Variants in SP100 observed in about 807,000 individuals in gnomAD.
The protein encoded by SP100 is SP100 nuclear body protein, also known as nuclear autoantigen Sp-100.
A neutral mutation model predicts 130.0 loss-of-function variants in SP100; 84 were observed. That is an observed-to-expected ratio of 0.65 (90% CI 0.54 to 0.77). The LOEUF is 0.77. SP100 is among the 30% of genes least tolerant of loss of function. SP100 has a pLI of 0.00. For missense variants in SP100, 978 were observed against 1,052.2 expected (o/e 0.93, Z 0.97); for synonymous variants, 331 against 351.7 (o/e 0.94, Z 0.66).
chr2:230,510,699 G>A (rs191679966), intron 23 of SP100: 114 of 197,052 alleles, frequency 5.8e-4, no homozygotes, highest in Middle Eastern at 2.1e-3. Context: ...GTTTCACCAC[G>A]TTAGCCAGGA....
intron 7 of SP100, 95 bp downstream of exon 7, chr2:230,449,805 G>C (rs1212038641): frequency 1.5e-6 from 2 of 1,301,296 alleles, no homozygotes; most frequent in African/African-American, 3.0e-5. Context: ...GGAGACACCT[G>C]TTTAACAAGC....
In SP100 at chr2:230,444,172, TTTAAGGA is replaced by T; in HGVS notation, c.271-3_274del. 1.3e-6 allele frequency: 2 copies of T among 1,555,886 alleles called. No individual in the cohort carries two copies. The highest frequency in any genetic ancestry group is 1.7e-6 in the Non-Finnish European group (2 of 1,151,738). Reference sequence around the variant, plus strand: ...TTTATATTTTCTCCATTCAATATTTTTTAAGGATTCTCAAGATTCTTGTAGAAACCTG... The same window carrying T: ...TTTATATTTTCTCCATTCAATATTTTTTCTCAAGATTCTTGTAGAAACCTG... On this transcript the variant is annotated splice_acceptor_variant and splice_polypyrimidine_tract_variant and coding_sequence_variant and intron_variant, in exon 4 of 29. Transcript: ENST00000340126. LOFTEE classifies it high-confidence loss of function.
intron 19 of SP100, among the ~76,000 whole-genome samples, 176 bp from the exon 20 acceptor site, chr2:230,502,890 A>T (rs2067114830): frequency 1.3e-5 from 2 of 152,192 alleles, no homozygotes; most frequent in Non-Finnish European, 2.9e-5. Flanking sequence ...GAGGTTATGA[A>T]CTGAAAAACC....
intron 2 of SP100, among the ~76,000 whole-genome samples, chr2:230,430,312 G>A (rs927566416): frequency 3.3e-5 from 5 of 152,236 alleles, no homozygotes; most frequent in Admixed American, 6.5e-5. Context: ...AGCGGCTAAC[G>A]GCCAGGCTCT....
At chr2:230,477,389 C>A (rs2065611712) in intron 17 of SP100, among the ~76,000 whole-genome samples, 1 of 151,866 alleles carries the variant, frequency 6.6e-6, no homozygotes, top group African/African-American at 2.4e-5. Flanking sequence ...GGTTCCATAT[C>A]ATATTTACAA....
intron 23 of SP100, chr2:230,510,447 A>G (rs1690487619): frequency 7.7e-6 from 1 of 129,054 alleles, no homozygotes. Context: ...TTCCCTTTGC[A>G]GCTTCTCTGG....
intron 18 of SP100, among the ~76,000 whole-genome samples, chr2:230,497,516 G>GGA: frequency 3.0e-5 from 1 of 33,542 alleles, no homozygotes; most frequent in Non-Finnish European, 7.2e-5. Flanking sequence ...GGAGAGGAGA[G>GGA]GAGAGGAGAG....
At chr2:230,514,400 G>A (rs1690782881) in intron 24 of SP100, among the ~76,000 whole-genome samples, 1 of 152,102 alleles carries the variant, frequency 6.6e-6, no homozygotes, top group Non-Finnish European at 1.5e-5. Flanking sequence ...AACTAAGAAA[G>A]AAAATTAAAT....
At chr2:230,520,387 G>A (rs540203103) in intron 24 of SP100, among the ~76,000 whole-genome samples, 9 of 152,162 alleles carry the variant, frequency 5.9e-5, no homozygotes, top group African/African-American at 2.2e-4. Flanking sequence ...AAAACCTTGA[G>A]AGAAATAATT....
chr2:230,477,939 C>CAAA lies in SP100; in HGVS notation c.1600+3494_1600+3496dup, dbSNP rs11420486. On this transcript the variant is annotated intron_variant, in intron 17 of 28. Coordinates refer to ENST00000340126, the MANE Select transcript of SP100 (RefSeq NM_001080391.2). ...GACAGAACAAGACCCTGTCTCAAAA[C>CAAA]AAAACAAACAAAAAAAAAAGCATTG... Among the ~76,000 whole-genome samples, 141 of 125,124 alleles carry CAAA rather than the reference C, an allele frequency of 1.1e-3. 4 individuals are homozygous for CAAA. The highest frequency in any genetic ancestry group is 1.6e-3 in the Admixed American group (20 of 12,302). The allele number at this position is 125,124 out of a possible 152,430, so 82.1% of individuals were successfully genotyped here.
In SP100 at chr2:230,463,938, G is replaced by C. The variant is rs2064798677; in HGVS notation, c.1058-129G>C. The C allele has an allele frequency of 6.5e-6, 4 of 612,592 alleles. No homozygotes were observed. The East Asian group carries it at 1.1e-4, about 18-fold the overall frequency. The allele number at this position is 612,592 out of a possible 1,614,324, so 37.9% of individuals were successfully genotyped here. On this transcript the variant is annotated intron_variant, in intron 10 of 28. Coordinates refer to ENST00000340126, the MANE Select transcript of SP100 (RefSeq NM_001080391.2). ...TTAGTTGAAAGGCAAGACAAGCATG[G>C]CCTGTGTACAGGCGAGGACTTGCAC... is the stretch of plus-strand genomic sequence containing the variant.
At chr2:230,476,406 A>G (rs1042887801) in intron 17 of SP100, among the ~76,000 whole-genome samples, 1 of 152,204 alleles carries the variant, frequency 6.6e-6, no homozygotes, top group Admixed American at 6.5e-5. Flanking sequence ...AAACTTTACT[A>G]AATTTGTCAG....
intron 12 of SP100, 74 bp from the exon 13 acceptor site, chr2:230,467,046 C>A: frequency 1.9e-6 from 2 of 1,037,176 alleles, no homozygotes; most frequent in Non-Finnish European, 3.0e-6. Context: ...GTTTCCTTTT[C>A]ATAGAATATT....
chr2:230,512,311 A>G (rs1690656606), intron 24 of SP100, among the ~76,000 whole-genome samples: 1 of 93,504 alleles, frequency 1.1e-5, no homozygotes, highest in African/African-American at 4.3e-5. Context: ...TTTTTTTGAG[A>G]CGGAGTCTCG....
chr2:230,529,620 GA>G (rs923161750), intron 24 of SP100, among the ~76,000 whole-genome samples: 5 of 152,314 alleles, frequency 3.3e-5, no homozygotes, highest in Middle Eastern at 6.8e-3. Context: ...ATTCATTTAG[GA>G]AAACAGGAAG....
chr2:230,423,665 T>C (rs1388012591), intron 2 of SP100, among the ~76,000 whole-genome samples: 3 of 152,260 alleles, frequency 2.0e-5, no homozygotes, highest in Non-Finnish European at 4.4e-5. Flanking sequence ...TGTTCATCTC[T>C]GTGCCACTTT....
chr2:230,485,076 A>T (rs188148514), intron 17 of SP100, among the ~76,000 whole-genome samples: 5 of 151,692 alleles, frequency 3.3e-5, no homozygotes, highest in Admixed American at 1.3e-4. Flanking sequence ...ATACAGGCAC[A>T]TGGCACCAGG....
At chr2:230,533,398 A>C (rs1179347264) in intron 24 of SP100, among the ~76,000 whole-genome samples, 1 of 152,216 alleles carries the variant, frequency 6.6e-6, no homozygotes, top group East Asian at 1.9e-4. Flanking sequence ...TGCTATAGGA[A>C]GTAATAACTA....
chr2:230,526,735 C>T (rs1176454534), intron 24 of SP100, among the ~76,000 whole-genome samples: 1 of 152,110 alleles, frequency 6.6e-6, no homozygotes, highest in Non-Finnish European at 1.5e-5. Flanking sequence ...CTTAAATGAC[C>T]TGATGGAGCT....
Sources: allele counts gnomAD v4.1 joint callset (sites outside exome capture counted in the v4.1 genomes callset), GRCh38; gene constraint gnomAD v4.1.1; transcripts MANE v1.5; gene names NCBI Gene and HGNC (gene_info 2026-07-23, HGNC 2026-07-21).